The following SPARCL1 variants were observed in gnomAD, a reference collection of about 807,000 sequenced individuals.
SPARCL1 encodes the protein SPARC like 1.
A neutral mutation model predicts 67.1 loss-of-function variants in SPARCL1; 52 were observed. That is an observed-to-expected ratio of 0.78 (90% CI 0.62 to 0.98). SPARCL1 has a LOEUF of 0.98. SPARCL1 is among the 50% of genes least tolerant of loss of function. SPARCL1 has a pLI of 0.00. For missense variants in SPARCL1, 717 were observed against 782.4 expected, an observed-to-expected ratio of 0.92 and a Z score of 1.00; for synonymous variants, 226 against 267.8, an observed-to-expected ratio of 0.84 and a Z score of 1.52.
At chr4:87,499,275 C>A (rs775477836) in intron 2 of SPARCL1, among the ~76,000 whole-genome samples, 1 of 152,172 alleles carries the variant, frequency 6.6e-6, no homozygotes, top group Non-Finnish European at 1.5e-5. Flanking sequence ...GGCTAATAAA[C>A]TGATAGCCCA....
intron 1 of SPARCL1, among the ~76,000 whole-genome samples, chr4:87,515,780 C>A (rs1725557692): frequency 6.6e-6 from 1 of 152,194 alleles, no homozygotes; most frequent in South Asian, 2.1e-4. Flanking sequence ...AATCATTTGT[C>A]ATGGCAGAAA....
At chr4:87,516,664 A>G (rs1725595714) in intron 1 of SPARCL1, among the ~76,000 whole-genome samples, 1 of 152,120 alleles carries the variant, frequency 6.6e-6, no homozygotes, top group South Asian at 2.1e-4. Context: ...AGCAGTGAGG[A>G]GCATGGAAGC....
At chr4:87,497,649 C>T (rs2110233430) in intron 2 of SPARCL1, among the ~76,000 whole-genome samples, 1 of 152,328 alleles carries the variant, frequency 6.6e-6, no homozygotes, top group East Asian at 1.9e-4. Context: ...TGAGAAGATA[C>T]TTAGCTTTCT....
At chr4:87,484,399 G>T (rs1167520906) in intron 7 of SPARCL1, among the ~76,000 whole-genome samples, 1 of 152,106 alleles carries the variant, frequency 6.6e-6, no homozygotes, top group Non-Finnish European at 1.5e-5. Context: ...CTGTATATGT[G>T]TGGCATTATT....
At chr4:87,495,536 T>A (rs2110231203) in intron 2 of SPARCL1, among the ~76,000 whole-genome samples, 1 of 152,344 alleles carries the variant, frequency 6.6e-6, no homozygotes, top group South Asian at 2.1e-4. Context: ...TTTGCCTAAT[T>A]TAAGTACCCA....
At chr4:87,491,761 G>C (rs1724339129) in intron 4 of SPARCL1, 71 bp from the exon 5 acceptor site, 1 of 1,057,018 alleles carries the variant, frequency 9.5e-7, no homozygotes, top group Non-Finnish European at 1.5e-6. Flanking sequence ...TATTTCCACT[G>C]TGCATACTTT....
At chr4:87,500,032 T>C (rs1724782700) in intron 1 of SPARCL1, among the ~76,000 whole-genome samples, 1 of 152,242 alleles carries the variant, frequency 6.6e-6, no homozygotes, top group African/African-American at 2.4e-5. Flanking sequence ...AGGGTATTAA[T>C]GTTCATCTGA....
chr4:87,490,237 C>G (rs931262099), intron 7 of SPARCL1, 36 bp downstream of exon 7: 2 of 1,582,214 alleles, frequency 1.3e-6, no homozygotes, highest in Non-Finnish European at 1.7e-6. Flanking sequence ...CAAGCCCTCT[C>G]AGAGATGATG....
intron 1 of SPARCL1, among the ~76,000 whole-genome samples, chr4:87,523,291 T>A (rs915095443): frequency 6.6e-6 from 1 of 152,124 alleles, no homozygotes; most frequent in Non-Finnish European, 1.5e-5. Context: ...GCAATGCTTA[T>A]TTTTATTCTT....
intron 1 of SPARCL1, among the ~76,000 whole-genome samples, chr4:87,527,795 G>T (rs981926880): frequency 6.6e-6 from 1 of 152,064 alleles, no homozygotes; most frequent in Non-Finnish European, 1.5e-5. Context: ...GAAATAAACT[G>T]CTCTGCTTTG....
At chr4:87,484,672 G>A (rs2110217225) in intron 7 of SPARCL1, among the ~76,000 whole-genome samples, 1 of 152,262 alleles carries the variant, frequency 6.6e-6, no homozygotes, top group Non-Finnish European at 1.5e-5. Flanking sequence ...ACTTTGGGCA[G>A]TACAACCATT....
chr4:87,482,349 T>G, intron 8 of SPARCL1, 75 bp downstream of exon 8: 2 of 1,511,388 alleles, frequency 1.3e-6, no homozygotes, highest in Non-Finnish European at 1.8e-6. Context: ...CAGAGGTAGG[T>G]AGCCCCCCCA....
intron 7 of SPARCL1, among the ~76,000 whole-genome samples, chr4:87,489,372 G>A (rs1200982128): frequency 2.0e-5 from 3 of 152,170 alleles, no homozygotes; most frequent in Non-Finnish European, 2.9e-5. Flanking sequence ...CAGTTACTGG[G>A]TGAGGCAACA....
chr4:87,487,782 T>C (rs1029717435), intron 7 of SPARCL1, among the ~76,000 whole-genome samples: 1 of 152,180 alleles, frequency 6.6e-6, no homozygotes, highest in African/African-American at 2.4e-5. Flanking sequence ...CTTGGAGGCT[T>C]TGTTTATTCC....
At position 87,493,683 on chromosome 4, in the gene SPARCL1, T is replaced by C; in HGVS notation, c.1117A>G (p.Arg373Gly). 1 of 1,614,168 alleles carries C rather than the reference T, an allele frequency of 6.2e-7. No individual in the cohort carries two copies. ...IPSQAFLEAE[R>G]AQSIAYHLKI... is the part of the protein sequence containing the mutation. ...AGGTGATAGGCAATGGATTGAGCTC[T>C]CTCGGCCTCCAGAAAGGCCTGGCTT... The change falls in exon 4 of 11, where the codon AGA becomes GGA. Residue 373 changes from arginine (R) to glycine (G), a missense_variant. Arg to Gly is a moderately radical substitution (Grantham distance 125). Coordinates refer to ENST00000282470, the MANE Select transcript of SPARCL1 (RefSeq NM_004684.6).
At chr4:87,505,323 TTAAAA>T (rs1289950361) in intron 1 of SPARCL1, among the ~76,000 whole-genome samples, 1 of 152,144 alleles carries the variant, frequency 6.6e-6, no homozygotes, top group Non-Finnish European at 1.5e-5. Flanking sequence ...TTTTATTGTA[TTAAAA>T]TAAAATATTT....
chr4:87,504,067 C>T (rs1374293115), intron 1 of SPARCL1, among the ~76,000 whole-genome samples: 1 of 150,826 alleles, frequency 6.6e-6, no homozygotes, highest in Non-Finnish European at 1.5e-5. Context: ...CAGGGTGGGC[C>T]ACCTGGACCA....
Position 87,473,493 on chromosome 4 carries a change from T to G in SPARCL1, c.*282A>C. On this transcript the variant is annotated 3_prime_UTR_variant, in exon 11 of 11. Transcript: ENST00000282470. The stretch of plus-strand genomic sequence containing the variant: ...ATTAATAGTTTAATCATTAATTATC[T>G]CATAAGTCAATGCAGAGAGTGAAAT... 1 of 287,516 alleles carries G rather than the reference T, an allele frequency of 3.5e-6. No individual in the cohort carries two copies. Among genetic ancestry groups the G allele is most frequent in the Non-Finnish European group, 6.4e-6 (1 of 155,982 alleles). The allele number at this position is 287,516 out of a possible 1,614,324, so 17.8% of individuals were successfully genotyped here.
intron 1 of SPARCL1, among the ~76,000 whole-genome samples, chr4:87,527,730 A>G (rs1726105840): frequency 6.6e-6 from 1 of 152,212 alleles, no homozygotes; most frequent in Admixed American, 6.5e-5. Context: ...TAACATGTGA[A>G]TATTCTTCTC....
Sources: gnomAD v4.1 joint callset for allele counts (sites outside exome capture counted in the v4.1 genomes callset) on GRCh38, gnomAD v4.1.1 for gene constraint, MANE v1.5 for transcripts, NCBI Gene and HGNC (gene_info 2026-07-23, HGNC 2026-07-21) for gene names.